Variants in NRXN1 observed in about 807,000 individuals in gnomAD.
NRXN1 encodes neurexin 1, also known as neurexin-1.
NRXN1 carries 39 observed loss-of-function variants against 150.9 expected under a neutral mutation model. The ratio of observed to expected loss-of-function variants is 0.26; its 90% CI spans 0.20 to 0.34. NRXN1 has a LOEUF of 0.34. Among genes scored for constraint, NRXN1 ranks in the 10% least tolerant of loss-of-function variants. The pLI, the probability that NRXN1 is intolerant of heterozygous loss-of-function variation, is 1.00. For missense variants in NRXN1, 1,815 were observed against 1,949.9 expected (o/e 0.93, Z 1.30); for synonymous variants, 924 against 757.0 (o/e 1.22, Z -3.62).
chr2:50,456,008 T>C (rs761903010), intron 17 of NRXN1, among the ~76,000 whole-genome samples: 12 of 152,126 alleles, frequency 7.9e-5, no homozygotes, highest in Non-Finnish European at 1.3e-4. Flanking sequence ...ACTGTACCAC[T>C]GGAGTGAAGA....
rs576079411 is a variant in NRXN1, at chr2:50,763,745, TTA to T, written c.833-140132_833-140131del. On this transcript the variant is annotated intron_variant, in intron 5 of 22. Transcript: ENST00000401669. ...GTGATATTTCACCTGATAAAGTCAGTTATGAGATCTCCCATACAGAGTAATGA... is the reference window on the plus strand; with the variant it reads ...GTGATATTTCACCTGATAAAGTCAGTTGAGATCTCCCATACAGAGTAATGA... Among the ~76,000 whole-genome samples, 735 of 152,056 alleles carry T rather than the reference TTA, an allele frequency of 4.8e-3. 3 individuals are homozygous for T. Among genetic ancestry groups the T allele is most frequent in the Non-Finnish European group, 8.2e-3 (559 of 67,938 alleles).
chr2:50,027,387 T>TCCCA (rs1282036197), intron 21 of NRXN1, among the ~76,000 whole-genome samples: 1 of 132,818 alleles, frequency 7.5e-6, no homozygotes, highest in African/African-American at 2.8e-5. Flanking sequence ...CCTTCCTCCC[T>TCCCA]CCCTTCCTTC....
intron 17 of NRXN1, among the ~76,000 whole-genome samples, chr2:50,410,725 G>A (rs989660074): frequency 3.3e-5 from 5 of 152,182 alleles, no homozygotes; most frequent in African/African-American, 1.2e-4. Context: ...ATTCTAGGCA[G>A]GCCTATTGAT....
chr2:50,262,559 T>A (rs1438811145), intron 17 of NRXN1, among the ~76,000 whole-genome samples: 5 of 152,002 alleles, frequency 3.3e-5, no homozygotes, highest in African/African-American at 1.2e-4. Flanking sequence ...GAATACATGT[T>A]AAGATAATTC....
At chr2:50,992,517 T>TA (rs147083758) in intron 2 of NRXN1, among the ~76,000 whole-genome samples, 34,207 of 151,840 alleles carry the variant, frequency 0.23, 4,177 homozygotes, top group Non-Finnish European at 0.29. Context: ...TTAGTGCTTA[T>TA]AAAAAGCACA....
intron 18 of NRXN1, among the ~76,000 whole-genome samples, chr2:50,214,552 C>G (rs1041837946): frequency 6.6e-6 from 1 of 151,732 alleles, no homozygotes; most frequent in African/African-American, 2.4e-5. Flanking sequence ...CCAGCAGGCA[C>G]AGAAAAAAAT....
At chr2:50,300,632 A>T (rs895880653) in intron 17 of NRXN1, among the ~76,000 whole-genome samples, 1 of 152,164 alleles carries the variant, frequency 6.6e-6, no homozygotes, top group African/African-American at 2.4e-5. Flanking sequence ...AGACGTGATG[A>T]GGTCCACTTC....
At chr2:50,320,347 G>A (rs2075948002) in intron 17 of NRXN1, among the ~76,000 whole-genome samples, 2 of 116,022 alleles carry the variant, frequency 1.7e-5, no homozygotes, top group Admixed American at 1.1e-4. Flanking sequence ...TTAGCATCAG[G>A]TTAGTCTGGG....
chr2:50,874,047 T>C (rs1678199385), intron 5 of NRXN1, among the ~76,000 whole-genome samples: 1 of 151,896 alleles, frequency 6.6e-6, no homozygotes, highest in South Asian at 2.1e-4. Context: ...GGACACAACG[T>C]AGTATTTTGG....
At chr2:50,932,317 C>T (rs1313707129) in intron 2 of NRXN1, among the ~76,000 whole-genome samples, 1 of 152,038 alleles carries the variant, frequency 6.6e-6, no homozygotes, top group East Asian at 2.0e-4. Flanking sequence ...TTCCTTCCTG[C>T]TCACTTTTGG....
intron 5 of NRXN1, among the ~76,000 whole-genome samples, chr2:50,732,955 T>C (rs778808643): frequency 6.6e-6 from 1 of 152,196 alleles, no homozygotes; most frequent in Non-Finnish European, 1.5e-5. Context: ...TTGTGTATTG[T>C]AACAACTAGC....
At chr2:50,835,913 T>C (rs1215627317) in intron 5 of NRXN1, among the ~76,000 whole-genome samples, 1 of 152,116 alleles carries the variant, frequency 6.6e-6, no homozygotes, top group Non-Finnish European at 1.5e-5. Flanking sequence ...TATAAAATAA[T>C]AACAACCTAT....
chr2:50,663,365 G>A (rs1687583606), intron 5 of NRXN1, among the ~76,000 whole-genome samples: 1 of 151,918 alleles, frequency 6.6e-6, no homozygotes, highest in Non-Finnish European at 1.5e-5. Flanking sequence ...TCTCCTTTGT[G>A]CTTCTTAGAC....
intron 21 of NRXN1, among the ~76,000 whole-genome samples, chr2:50,038,009 G>A (rs914080575): frequency 6.6e-6 from 1 of 152,062 alleles, no homozygotes; most frequent in Non-Finnish European, 1.5e-5. Context: ...AATGTAGTGG[G>A]CATTCTACAT....
intron 18 of NRXN1, among the ~76,000 whole-genome samples, chr2:50,137,237 T>G (rs1159908741): frequency 6.6e-6 from 1 of 152,128 alleles, no homozygotes; most frequent in Non-Finnish European, 1.5e-5. Context: ...ATAAAAAGCC[T>G]ATGTTAATTA....
Position 51,028,068 on chromosome 2 carries a change from T to C in NRXN1, c.206A>G (p.Tyr69Cys). The C allele has an allele frequency of 6.3e-7, 1 of 1,596,592 alleles. No individual in the cohort carries two copies. Among genetic ancestry groups the C allele is most frequent in the Non-Finnish European group, 8.5e-7 (1 of 1,175,414 alleles). Residue 69 changes from tyrosine to cysteine, a missense_variant, in exon 2 of 23, where the codon TAC becomes TGC. By Grantham distance (194) the Tyr-to-Cys change is radical (BLOSUM62 -2). This residue lies in a region of NRXN1 where 554 missense variants were observed against 478.8 expected (regional missense o/e 1.16). Coordinates refer to ENST00000401669, the MANE Select transcript of NRXN1 (RefSeq NM_001330078.2). Reference sequence around the variant, plus strand: ...GTCGCAGAAGCCCTCGTCGTCGAAGTAGAGCACGAGGCCGCGGGCGCTGCG... The same window carrying C: ...GTCGCAGAAGCCCTCGTCGTCGAAGCAGAGCACGAGGCCGCGGGCGCTGCG... ...KTRSARGLVL[Y>C]FDDEGFCDFL...
intron 21 of NRXN1, among the ~76,000 whole-genome samples, chr2:49,992,403 A>C (rs1051181372): frequency 2.4e-5 from 3 of 123,334 alleles, no homozygotes; most frequent in South Asian, 2.9e-4. Flanking sequence ...AAAACACCCC[A>C]AAAACAAACA....
At chr2:49,994,245 T>C (rs1475440906) in intron 21 of NRXN1, among the ~76,000 whole-genome samples, 2 of 152,194 alleles carry the variant, frequency 1.3e-5, no homozygotes, top group African/African-American at 2.4e-5. Context: ...TCTGGTGTGC[T>C]TTCTTATTGT....
intron 5 of NRXN1, among the ~76,000 whole-genome samples, chr2:50,759,456 C>T (rs556875774): frequency 6.6e-6 from 1 of 152,014 alleles, no homozygotes; most frequent in East Asian, 2.0e-4. Flanking sequence ...ATTCTGCTAC[C>T]ATCTTGGTGT....
Sources: allele counts gnomAD v4.1 joint callset (sites outside exome capture counted in the v4.1 genomes callset), GRCh38; gene constraint gnomAD v4.1.1; regional missense constraint gnomAD v4.1.1; transcripts MANE v1.5; gene names NCBI Gene and HGNC (gene_info 2026-07-23, HGNC 2026-07-21).